The following ASTN2 variants were observed in gnomAD, a reference collection of about 807,000 sequenced individuals.
ASTN2 encodes astrotactin 2.
ASTN2 carries 54 observed loss-of-function variants against 139.8 expected under a neutral mutation model. The ratio of observed to expected loss-of-function variants is 0.39; its 90% CI spans 0.31 to 0.48. The LOEUF is 0.48. ASTN2 is among the 20% of genes least tolerant of loss of function. The pLI, the probability that ASTN2 is intolerant of heterozygous loss-of-function variation, is 0.95. For missense variants in ASTN2, 1,565 were observed against 1,725.1 expected, an observed-to-expected ratio of 0.91 and a Z score of 1.64; for synonymous variants, 756 against 719.5, an observed-to-expected ratio of 1.05 and a Z score of -0.81.
intron 13 of ASTN2, among the ~76,000 whole-genome samples, chr9:116,802,338 A>T (rs1197870643): frequency 6.6e-6 from 1 of 152,074 alleles, no homozygotes; most frequent in Non-Finnish European, 1.5e-5. Flanking sequence ...TGCCCGCCTC[A>T]GCCTCCCAAA....
At chr9:116,997,250 G>C (rs1423899946) in intron 7 of ASTN2, among the ~76,000 whole-genome samples, 1 of 152,092 alleles carries the variant, frequency 6.6e-6, no homozygotes, top group Non-Finnish European at 1.5e-5. Context: ...TGCTTTGCAG[G>C]CTCCCTGAAA....
At chr9:116,560,839 G>C (rs576279763) in intron 19 of ASTN2, among the ~76,000 whole-genome samples, 2 of 152,334 alleles carry the variant, frequency 1.3e-5, no homozygotes, top group East Asian at 3.9e-4. Context: ...GTGTCTGGAA[G>C]GGAGGTAGAG....
chr9:117,089,514 T>G (rs199683492), intron 5 of ASTN2, among the ~76,000 whole-genome samples: 3 of 40,632 alleles, frequency 7.4e-5, no homozygotes, highest in African/African-American at 9.7e-5. Flanking sequence ...ATTTTTTGTG[T>G]TTTTTTCCCC....
At chr9:117,280,094 T>A (rs1040329711) in intron 2 of ASTN2, among the ~76,000 whole-genome samples, 3 of 152,214 alleles carry the variant, frequency 2.0e-5, no homozygotes, top group African/African-American at 7.2e-5. Context: ...TTGTTTATGA[T>A]CTTAACACTT....
intron 19 of ASTN2, among the ~76,000 whole-genome samples, chr9:116,543,321 C>G (rs947813810): frequency 6.6e-6 from 1 of 151,422 alleles, no homozygotes; most frequent in African/African-American, 2.4e-5. Context: ...ACTGCCGTCC[C>G]AGCTATTCTG....
intron 17 of ASTN2, among the ~76,000 whole-genome samples, chr9:116,635,430 T>G (rs1380576990): frequency 1.3e-5 from 2 of 152,232 alleles, no homozygotes; most frequent in African/African-American, 4.8e-5. Context: ...TCTGTTCACC[T>G]TGAATGTAAT....
At chr9:117,112,418 T>C (rs1023988480) in intron 4 of ASTN2, among the ~76,000 whole-genome samples, 1 of 152,146 alleles carries the variant, frequency 6.6e-6, no homozygotes, top group African/African-American at 2.4e-5. Context: ...AACAAGACAG[T>C]GTTGTATTGG....
At chr9:116,882,026 C>G (rs947527087) in intron 10 of ASTN2, among the ~76,000 whole-genome samples, 1 of 152,106 alleles carries the variant, frequency 6.6e-6, no homozygotes, top group Admixed American at 6.6e-5. Context: ...GTGATGATTC[C>G]TAATTTCTTT....
chr9:117,285,282 C>CTTTTTT (rs57546484), intron 2 of ASTN2, among the ~76,000 whole-genome samples: 2 of 130,140 alleles, frequency 1.5e-5, no homozygotes, highest in African/African-American at 2.8e-5. Context: ...TTGTAAAAAG[C>CTTTTTT]TTTTTTTTTT....
intron 5 of ASTN2, among the ~76,000 whole-genome samples, chr9:117,051,244 G>T (rs1838904618): frequency 6.6e-6 from 1 of 152,004 alleles, no homozygotes; most frequent in Admixed American, 6.5e-5. Context: ...AAATGATGAT[G>T]ATAACCCTTT....
intron 3 of ASTN2, among the ~76,000 whole-genome samples, chr9:117,194,768 T>C (rs777440763): frequency 6.6e-6 from 1 of 152,216 alleles, no homozygotes; most frequent in Non-Finnish European, 1.5e-5. Flanking sequence ...TTCCATTATT[T>C]GTAGTTGTAT....
intron 10 of ASTN2, among the ~76,000 whole-genome samples, chr9:116,884,781 G>A (rs1833546438): frequency 6.8e-6 from 1 of 146,958 alleles, no homozygotes; most frequent in Non-Finnish European, 1.5e-5. Flanking sequence ...CTCCCTGTGT[G>A]CATGTCAATC....
At chr9:117,025,395 T>C (rs967136102) in intron 6 of ASTN2, among the ~76,000 whole-genome samples, 2 of 152,164 alleles carry the variant, frequency 1.3e-5, no homozygotes, top group Non-Finnish European at 2.9e-5. Context: ...CTTTAATTGA[T>C]TCCACATTTC....
chr9:117,292,199 G>A (rs1834612111), intron 1 of ASTN2, among the ~76,000 whole-genome samples: 1 of 152,176 alleles, frequency 6.6e-6, no homozygotes, highest in Admixed American at 6.5e-5. Flanking sequence ...AGCCAGTGAG[G>A]AGTGAGGACT....
chr9:117,265,343 G>A (rs1300837013), intron 2 of ASTN2, among the ~76,000 whole-genome samples: 1 of 152,166 alleles, frequency 6.6e-6, no homozygotes, highest in Non-Finnish European at 1.5e-5. Context: ...GGAGTGGCAA[G>A]GGAGGTGAGG....
intron 1 of ASTN2, among the ~76,000 whole-genome samples, chr9:117,391,491 C>A (rs560893537): frequency 7.2e-5 from 11 of 152,210 alleles, no homozygotes; most frequent in South Asian, 6.2e-4. Context: ...CTTGTGAGAC[C>A]AATTCACTAT....
intron 19 of ASTN2, among the ~76,000 whole-genome samples, chr9:116,563,789 T>C (rs1853047518): frequency 6.6e-6 from 1 of 152,200 alleles, no homozygotes; most frequent in South Asian, 2.1e-4. Flanking sequence ...GCTGAGTGAA[T>C]GGTGTCTCTG....
intron 19 of ASTN2, among the ~76,000 whole-genome samples, chr9:116,493,670 T>A (rs896548949): frequency 6.6e-6 from 1 of 151,966 alleles, no homozygotes; most frequent in African/African-American, 2.4e-5. Flanking sequence ...TCTCTCTTTC[T>A]CCCCTCACCC....
chr9:116,802,409 G>T (rs1218101275), intron 13 of ASTN2, among the ~76,000 whole-genome samples: 1 of 152,064 alleles, frequency 6.6e-6, no homozygotes, highest in Non-Finnish European at 1.5e-5. Flanking sequence ...TCTCACTGAC[G>T]AGTCTGTTGG....
Sources: allele counts gnomAD v4.1 joint callset (sites outside exome capture counted in the v4.1 genomes callset), GRCh38; gene constraint gnomAD v4.1.1; transcripts MANE v1.5; gene names NCBI Gene and HGNC (gene_info 2026-07-23, HGNC 2026-07-21).